The following GABRB2 variants were observed in gnomAD, a reference collection of about 807,000 sequenced individuals.
GABRB2 encodes gamma-aminobutyric acid type A receptor subunit beta2.
GABRB2 carries 16 observed loss-of-function variants against 54.7 expected under a neutral mutation model. The ratio of observed to expected loss-of-function variants is 0.29; its 90% CI spans 0.20 to 0.44. The LOEUF is 0.44. Among genes scored for constraint, GABRB2 ranks in the 20% least tolerant of loss-of-function variants. The pLI, the probability that GABRB2 is intolerant of heterozygous loss-of-function variation, is 1.00. For synonymous variants in GABRB2, 244 were observed against 233.8 expected (o/e 1.04, Z -0.40); for missense variants, 355 against 644.0 (o/e 0.55, Z 4.86).
intron 5 of GABRB2, among the ~76,000 whole-genome samples, chr5:161,388,854 T>A (rs1268967000): frequency 6.6e-6 from 1 of 151,972 alleles, no homozygotes; most frequent in Non-Finnish European, 1.5e-5. Flanking sequence ...TTAGGCTTTA[T>A]TTTTGGTAAA....
At chr5:161,333,510 C>T (rs562221361) in intron 7 of GABRB2, among the ~76,000 whole-genome samples, 55 of 152,278 alleles carry the variant, frequency 3.6e-4, no homozygotes, top group South Asian at 1.0e-3. Flanking sequence ...ACCCAGTAGC[C>T]GAAGTGATCC....
At chr5:161,326,228 G>C in intron 9 of GABRB2, 140 bp downstream of exon 9, 1 of 1,214,346 alleles carries the variant, frequency 8.2e-7, no homozygotes, top group Admixed American at 3.2e-5. Context: ...TCCTGAAAAA[G>C]TTTTAACTTA....
intron 5 of GABRB2, among the ~76,000 whole-genome samples, chr5:161,380,043 A>C (rs1430201703): frequency 6.6e-6 from 1 of 152,110 alleles, no homozygotes; most frequent in Non-Finnish European, 1.5e-5. Flanking sequence ...AAACTTATCT[A>C]TGTGTCCCTA....
chr5:161,331,247 GGC>G, intron 7 of GABRB2, 120 bp from the exon 8 acceptor site: 2 of 1,202,994 alleles, frequency 1.7e-6, no homozygotes, highest in South Asian at 1.8e-5. Context: ...CTATTTATTG[GGC>G]CTTTACTATT....
intron 4 of GABRB2, among the ~76,000 whole-genome samples, chr5:161,434,308 A>G (rs1757251998): frequency 6.6e-6 from 1 of 152,214 alleles, no homozygotes; most frequent in Non-Finnish European, 1.5e-5. Context: ...AGAACTCAAA[A>G]ATTCTAAATT....
At chr5:161,346,794 A>G (rs1754329989) in intron 5 of GABRB2, among the ~76,000 whole-genome samples, 1 of 152,136 alleles carries the variant, frequency 6.6e-6, no homozygotes, top group East Asian at 1.9e-4. Context: ...CACTTAGTAC[A>G]TTTAATTGAA....
At chr5:161,510,792 G>A (rs373663812) in intron 3 of GABRB2, among the ~76,000 whole-genome samples, 28 of 151,834 alleles carry the variant, frequency 1.8e-4, no homozygotes, top group African/African-American at 6.3e-4. Flanking sequence ...CAGCATTTAG[G>A]GTTCACTTAA....
At chr5:161,374,908 G>A (rs561894174) in intron 5 of GABRB2, among the ~76,000 whole-genome samples, 1 of 152,038 alleles carries the variant, frequency 6.6e-6, no homozygotes, top group Non-Finnish European at 1.5e-5. Context: ...GCTGAGGACA[G>A]GGCTCATGGT....
At chr5:161,440,077 AAAC>A (rs1245723796) in intron 4 of GABRB2, among the ~76,000 whole-genome samples, 3,480 of 149,186 alleles carry the variant, frequency 0.023, 76 homozygotes, top group Admixed American at 0.062. Context: ...AAAAAAAAAA[AAAC>A]AAAACACATA....
chr5:161,524,970 T>C (rs1414425088), intron 3 of GABRB2, among the ~76,000 whole-genome samples: 1 of 151,404 alleles, frequency 6.6e-6, no homozygotes, highest in Non-Finnish European at 1.5e-5. Flanking sequence ...AAATAGGCTA[T>C]GGCTTTCATT....
At chr5:161,498,348 T>C (rs1759320510) in intron 3 of GABRB2, among the ~76,000 whole-genome samples, 2 of 9,824 alleles carry the variant, frequency 2.0e-4, no homozygotes, top group South Asian at 6.2e-3. Context: ...TCAAAATCTT[T>C]AGTTTTTTTT....
chr5:161,401,842 T>C (rs944031718), intron 5 of GABRB2, among the ~76,000 whole-genome samples: 2 of 152,168 alleles, frequency 1.3e-5, no homozygotes, highest in Non-Finnish European at 2.9e-5. Context: ...TCAACTTCTA[T>C]GCATTCATCT....
chr5:161,400,649 T>C (rs916540365), intron 5 of GABRB2, among the ~76,000 whole-genome samples: 3 of 152,156 alleles, frequency 2.0e-5, no homozygotes, highest in East Asian at 3.9e-4. Flanking sequence ...CTGAGAGACA[T>C]AGGAAATCAT....
intron 5 of GABRB2, among the ~76,000 whole-genome samples, chr5:161,409,761 T>G (rs989058469): frequency 1.3e-5 from 2 of 152,190 alleles, no homozygotes; most frequent in Admixed American, 6.6e-5. Context: ...GCTTTCTAAA[T>G]TGTAGCCGTA....
chr5:161,336,801 C>CAA, intron 5 of GABRB2, 32 bp from the exon 6 acceptor site: 1 of 1,409,812 alleles, frequency 7.1e-7, no homozygotes, highest in Non-Finnish European at 9.3e-7. Flanking sequence ...CACACACACA[C>CAA]AAATACAGAA....
chr5:161,421,867 A>T (rs1756864330), intron 4 of GABRB2, among the ~76,000 whole-genome samples: 1 of 152,238 alleles, frequency 6.6e-6, no homozygotes, highest in Non-Finnish European at 1.5e-5. Context: ...AACATAAAAT[A>T]AAATAAATAT....
At chr5:161,497,484 T>C (rs567750110) in intron 3 of GABRB2, among the ~76,000 whole-genome samples, 1 of 151,908 alleles carries the variant, frequency 6.6e-6, no homozygotes. Context: ...GACTCAAGTT[T>C]TAAATGCATT....
chr5:161,532,481 G>T (rs1056951381), intron 3 of GABRB2, among the ~76,000 whole-genome samples: 1 of 152,086 alleles, frequency 6.6e-6, no homozygotes, highest in Non-Finnish European at 1.5e-5. Flanking sequence ...TCGGATTCTG[G>T]TGTAGGCCCA....
intron 9 of GABRB2, among the ~76,000 whole-genome samples, chr5:161,309,089 A>C (rs1757783907): frequency 6.6e-6 from 1 of 151,644 alleles, no homozygotes; most frequent in Non-Finnish European, 1.5e-5. Flanking sequence ...ATGAGAGAAC[A>C]TTTTTGCAAA....
Sources: allele counts gnomAD v4.1 joint callset (sites outside exome capture counted in the v4.1 genomes callset), GRCh38; gene constraint gnomAD v4.1.1; transcripts MANE v1.5; gene names NCBI Gene and HGNC (gene_info 2026-07-23, HGNC 2026-07-21).